The following MVB12B variants were observed in gnomAD, a reference collection of about 807,000 sequenced individuals.
The protein encoded by MVB12B is ESCRT-I complex subunit MVB12B.
Under a neutral mutation model 41.6 loss-of-function variants are expected in MVB12B, and 16 were observed. The ratio of observed to expected loss-of-function variants is 0.38; its 90% CI spans 0.26 to 0.58. The LOEUF (loss-of-function observed/expected upper bound fraction) is 0.58, where lower values mean the gene tolerates loss of function less well. Among genes scored for constraint, MVB12B ranks in the 20% least tolerant of loss-of-function variants. MVB12B has a pLI of 0.62. For synonymous variants in MVB12B, 133 were observed against 139.7 expected (o/e 0.95, Z 0.34); for missense variants, 274 against 380.2 (o/e 0.72, Z 2.32).
chr9:126,392,309 G>A lies in MVB12B; in HGVS notation c.539+114G>A. On this transcript the variant is annotated intron_variant, in intron 5 of 9. Coordinates refer to ENST00000361171, the MANE Select transcript of MVB12B (RefSeq NM_033446.3). The surrounding 1 kb of genome is among the most constrained non-coding windows in gnomAD (Gnocchi z 4.8). Reference sequence around the variant, plus strand: ...GCAGCCCCCCAGGCTCTCAGCCATGGGCCTCTGTCAGCCCAGTGCTCCTCG... The same window carrying A: ...GCAGCCCCCCAGGCTCTCAGCCATGAGCCTCTGTCAGCCCAGTGCTCCTCG... 2 of 1,292,784 alleles carry A rather than the reference G, an allele frequency of 1.5e-6. No homozygotes were observed. The highest frequency in any genetic ancestry group is 2.7e-5 in the South Asian group (2 of 74,692). The allele number at this position is 1,292,784 out of a possible 1,614,324, so 80.1% of individuals were successfully genotyped here.
At chr9:126,447,753 T>C (rs1332017846) in intron 7 of MVB12B, among the ~76,000 whole-genome samples, 1 of 152,242 alleles carries the variant, frequency 6.6e-6, no homozygotes, top group Non-Finnish European at 1.5e-5. Flanking sequence ...ATTCATTCAA[T>C]TTGACCAAAC....
At chr9:126,377,739 G>A (rs1208041192) in intron 2 of MVB12B, among the ~76,000 whole-genome samples, 1 of 152,130 alleles carries the variant, frequency 6.6e-6, no homozygotes, top group Non-Finnish European at 1.5e-5. Flanking sequence ...GAGGGCAGAT[G>A]TTCCTCGTAC....
intron 1 of MVB12B, chr9:126,335,303 G>T: frequency 1.5e-6 from 2 of 1,297,400 alleles, no homozygotes; most frequent in Non-Finnish European, 2.0e-6. Flanking sequence ...CACAGTGACA[G>T]CCTCTCAGTC....
intron 5 of MVB12B, among the ~76,000 whole-genome samples, chr9:126,393,322 G>GGTGCT (rs1253723077): frequency 6.6e-6 from 1 of 152,230 alleles, no homozygotes; most frequent in African/African-American, 2.4e-5. Context: ...CCCTGGCTCC[G>GGTGCT]GTGCTGGGCT....
intron 2 of MVB12B, among the ~76,000 whole-genome samples, chr9:126,377,586 C>T (rs1449030363): frequency 6.6e-6 from 1 of 152,052 alleles, no homozygotes; most frequent in Non-Finnish European, 1.5e-5. Flanking sequence ...GCAGAGTTGA[C>T]TCGTTCATTT....
At position 126,376,516 on chromosome 9, in the gene MVB12B, G is replaced by A. The variant is rs1200223955; in HGVS notation, c.205-4548G>A. 1.6e-6 allele frequency: 2 copies of A among 1,289,162 alleles called. No individual in the cohort carries two copies. Among genetic ancestry groups the A allele is most frequent in the African/African-American group, 3.0e-5 (2 of 65,844 alleles). 79.9% of individuals were successfully genotyped at this position (1,289,162 alleles called of 1,614,324 possible). A position where few individuals can be genotyped will look rare whatever the true frequency, so the allele number is the denominator to read the frequency against. On this transcript the variant is annotated intron_variant, in intron 2 of 9. Coordinates refer to ENST00000361171, the MANE Select transcript of MVB12B (RefSeq NM_033446.3). This position sits in a 1 kb window ranked among gnomAD's most constrained non-coding sequence, Gnocchi z 4.1. ...TGCTGGCTGGTGTGCTACACAGTGG[G>A]GCGACGAGCAGGGAGCTGGCTCAGA...
intron 6 of MVB12B, among the ~76,000 whole-genome samples, chr9:126,411,700 GGTTT>G (rs1382166010): frequency 6.6e-6 from 1 of 152,122 alleles, no homozygotes; most frequent in Non-Finnish European, 1.5e-5. Context: ...TGCGCATGGT[GGTTT>G]CTCCCTGAGG....
chr9:126,445,569 C>T (rs1832746830), intron 7 of MVB12B, among the ~76,000 whole-genome samples: 1 of 152,240 alleles, frequency 6.6e-6, no homozygotes, highest in Admixed American at 6.5e-5. Flanking sequence ...TCCCAACGTG[C>T]TGGGATTACA....
chr9:126,412,844 G>A (rs115266440), intron 6 of MVB12B, among the ~76,000 whole-genome samples: 1 of 152,148 alleles, frequency 6.6e-6, no homozygotes, highest in African/African-American at 2.4e-5. Flanking sequence ...CTTTGTTTTT[G>A]CTTGGCTGGT....
chr9:126,380,641 G>T (rs1278754963), intron 2 of MVB12B, among the ~76,000 whole-genome samples: 2 of 152,172 alleles, frequency 1.3e-5, no homozygotes, highest in African/African-American at 2.4e-5. Flanking sequence ...GGGCCCTAGA[G>T]CAGGAGGCTG....
chr9:126,384,395 G>C (rs1016225785), intron 3 of MVB12B, among the ~76,000 whole-genome samples: 1 of 152,116 alleles, frequency 6.6e-6, no homozygotes, highest in Non-Finnish European at 1.5e-5. Flanking sequence ...GACCTTCCTA[G>C]TTAAATTCTA....
intron 9 of MVB12B, among the ~76,000 whole-genome samples, chr9:126,490,859 G>A (rs902004788): frequency 2.0e-5 from 3 of 152,160 alleles, no homozygotes; most frequent in African/African-American, 7.2e-5. Context: ...CAAGAGTGTA[G>A]TCACGTGGAA....
chr9:126,496,286 C>T (rs1448793794), intron 9 of MVB12B, among the ~76,000 whole-genome samples: 1 of 140,430 alleles, frequency 7.1e-6, no homozygotes, highest in Admixed American at 7.2e-5. Flanking sequence ...CCCACCCTTC[C>T]ACCCATCCAT....
intron 9 of MVB12B, among the ~76,000 whole-genome samples, chr9:126,488,327 G>A (rs1213550581): frequency 7.8e-6 from 1 of 128,802 alleles, no homozygotes; most frequent in Non-Finnish European, 1.6e-5. Context: ...AAACCTTTGT[G>A]TTTTATACCA....
intron 2 of MVB12B, among the ~76,000 whole-genome samples, chr9:126,359,882 T>A (rs1564288953): frequency 1.3e-5 from 2 of 152,164 alleles, no homozygotes. Flanking sequence ...TTAATCAATC[T>A]TCTCAAAGAA....
intron 9 of MVB12B, among the ~76,000 whole-genome samples, chr9:126,487,986 C>T (rs72758791): frequency 0.056 from 8,456 of 152,242 alleles, 373 homozygotes; most frequent in Non-Finnish European, 0.074. Context: ...CAGCCATTCG[C>T]GTAACGTTGA....
intron 9 of MVB12B, among the ~76,000 whole-genome samples, chr9:126,491,274 C>T (rs1310274399): frequency 1.3e-5 from 2 of 152,198 alleles, no homozygotes; most frequent in African/African-American, 4.8e-5. Context: ...AGATTTGGGA[C>T]CTATGTCCCG....
intron 7 of MVB12B, among the ~76,000 whole-genome samples, chr9:126,434,643 C>T (rs1468676): frequency 0.89 from 135,016 of 152,302 alleles, 59,950 homozygotes; most frequent in East Asian, 1. Context: ...TGTAGCAAAA[C>T]GCCAGTTTCA....
chr9:126,338,077 C>T (rs1829333494), intron 1 of MVB12B, among the ~76,000 whole-genome samples: 1 of 152,202 alleles, frequency 6.6e-6, no homozygotes, highest in Non-Finnish European at 1.5e-5. Flanking sequence ...TTAAAAGCTG[C>T]CTTGGCTGGT....
Sources: allele counts gnomAD v4.1 joint callset (sites outside exome capture counted in the v4.1 genomes callset), GRCh38; gene constraint gnomAD v4.1.1; non-coding constraint Gnocchi (gnomAD v3.1); transcripts MANE v1.5; gene names NCBI Gene and HGNC (gene_info 2026-07-23, HGNC 2026-07-21).